Variants in TUBGCP6 observed in about 807,000 individuals in gnomAD.
TUBGCP6 encodes tubulin gamma complex component 6.
A neutral mutation model predicts 175.8 loss-of-function variants in TUBGCP6; 161 were observed. The observed-to-expected ratio is 0.92, with a 90% CI of 0.81 to 1.04. TUBGCP6 has a LOEUF of 1.04. TUBGCP6 is among the 50% of genes least tolerant of loss of function. The pLI, the probability that TUBGCP6 is intolerant of heterozygous loss-of-function variation, is 0.00. For synonymous variants in TUBGCP6, 1,173 were observed against 1,030.5 expected (o/e 1.14, Z -2.65); for missense variants, 2,572 against 2,433.0 (o/e 1.06, Z -1.20).
intron 2 of TUBGCP6, among the ~76,000 whole-genome samples, chr22:50,239,135 G>A (rs1201972540): frequency 6.6e-6 from 1 of 152,188 alleles, no homozygotes; most frequent in Non-Finnish European, 1.5e-5. Context: ...TGTGAACGGG[G>A]CATTCCATGG....
Position 50,222,492 on chromosome 22 carries a change from G to C in TUBGCP6, c.2371C>G (p.Arg791Gly). Residue 791 changes from arginine (R) to glycine (G), a missense_variant, in exon 14 of 25, where the codon CGG (arginine) becomes GGG (glycine). By Grantham distance (125) the Arg-to-Gly change is moderately radical. Transcript: ENST00000248846. ...TCATCTTCTAAGAGAAAACGAAGCC[G>C]TGCACTCTCCAGTCGGTGCCTCTGG... ...RIQRHRLESA[R>G]LRFLLEDEKH... is the part of the protein sequence containing the mutation. 6.2e-7 allele frequency: 1 copy of C among 1,613,824 alleles called. No individual in the cohort carries two copies. The highest frequency in any genetic ancestry group is 1.1e-5 in the South Asian group (1 of 91,082).
rs1184315492 is a variant in TUBGCP6 at position 50,226,096 on chromosome 22, T to G, written c.1787A>C (p.Tyr596Ser). The G allele has an allele frequency of 6.2e-7, 1 of 1,614,170 alleles. No individual in the cohort carries two copies. The highest frequency in any genetic ancestry group is 8.5e-7 in the Non-Finnish European group (1 of 1,180,044). ...VFLKHIAHDI[Y>S]VCGKTINLLK... ...CAGGTTAATGGTCTTTCCGCAGACG[T>G]ATATGTCGTGGGCAATGTGCTTCAG... The change falls in exon 9 of 25, where the codon TAC becomes TCC. Residue 596 changes from tyrosine (Y) to serine (S), a missense_variant. By Grantham distance (144) the Tyr-to-Ser change is moderately radical. Transcript: ENST00000248846.
chr22:50,218,238 C>T lies in TUBGCP6; in HGVS notation c.5119G>A (p.Glu1707Lys), dbSNP rs1366683499. 1.2e-6 allele frequency: 2 copies of T among 1,612,978 alleles called. No individual in the cohort carries two copies. Among genetic ancestry groups the T allele is most frequent in the Non-Finnish European group, 1.7e-6 (2 of 1,179,946 alleles). Reference sequence around the variant, plus strand: ...TCTGCGTGCGCACGCTGGATCTCCTCCAGGTCGCCCACGGTGGCCAACCTG... The same window carrying T: ...TCTGCGTGCGCACGCTGGATCTCCTTCAGGTCGCCCACGGTGGCCAACCTG... ...RARLATVGDL[E>K]EIQRAHAEYL... is the part of the protein sequence containing the mutation. The change falls in exon 23 of 25, where the codon GAG becomes AAG. Residue 1707 changes from glutamate (E) to lysine (K), a missense_variant. Glu to Lys is a moderately conservative substitution (Grantham distance 56, BLOSUM62 1). Transcript: ENST00000248846.
intron 21 of TUBGCP6, 31 bp from the exon 22 acceptor site, chr22:50,218,651 CACAG>C: frequency 5.6e-6 from 9 of 1,613,654 alleles, no homozygotes; most frequent in Non-Finnish European, 6.8e-6. Context: ...GCAGGCATCC[CACAG>C]GCAGGCAGGC....
At chr22:50,226,530 AG>A (rs1302563375) in intron 7 of TUBGCP6, 152 bp from the exon 8 acceptor site, 4 of 117,400 alleles carry the variant, frequency 3.4e-5, no homozygotes, top group Non-Finnish European at 5.9e-5. Flanking sequence ...GCCATCCATG[AG>A]GGGCGGGATG....
At chr22:50,238,686 C>T (rs906954631) in intron 2 of TUBGCP6, among the ~76,000 whole-genome samples, 33 of 151,806 alleles carry the variant, frequency 2.2e-4, no homozygotes, top group Middle Eastern at 3.4e-3. Context: ...CACAGGCACC[C>T]GCCACCACGC....
At chr22:50,237,293 T>C (rs768324047) in intron 2 of TUBGCP6, among the ~76,000 whole-genome samples, 1 of 152,230 alleles carries the variant, frequency 6.6e-6, no homozygotes, top group Non-Finnish European at 1.5e-5. Context: ...GAAGGCTCAA[T>C]TTCTGGCTAG....
chr22:50,218,457 T>C, intron 22 of TUBGCP6, 31 bp downstream of exon 22: 1 of 1,612,702 alleles, frequency 6.2e-7, no homozygotes, highest in Non-Finnish European at 8.5e-7. Context: ...CAGCCAGGGG[T>C]GCGGGGCGCC....
At chr22:50,241,983 CAA>C (rs55647714) in intron 1 of TUBGCP6, among the ~76,000 whole-genome samples, 32 of 92,790 alleles carry the variant, frequency 3.4e-4, no homozygotes, top group African/African-American at 1.4e-3. Context: ...GACTCCATCT[CAA>C]AAAAAAAAAA....
Position 50,218,044 on chromosome 22 carries a change from G to A in TUBGCP6, c.5242C>T (p.Arg1748Cys), listed in dbSNP as rs539568209. ...HSIFSLVLKFRSQLISQAWGP... is the reference protein window; with the variant it reads ...HSIFSLVLKFCSQLISQAWGP... ...CAGGCCTGGGAGATGAGCTGGCTGC[G>A]GAACTTGAGCACGAGGCTGAAGATG... The change falls in exon 24 of 25, where the codon CGC becomes TGC. Residue 1748 changes from arginine (R) to cysteine (C), a missense_variant. Arg to Cys is a radical substitution (Grantham distance 180). Coordinates refer to ENST00000248846, the MANE Select transcript of TUBGCP6 (RefSeq NM_020461.4). 2.5e-5 allele frequency: 40 copies of A among 1,613,478 alleles called. 1 individual carries two copies. Among genetic ancestry groups the A allele is most frequent in the South Asian group, 9.9e-5 (9 of 91,086 alleles).
At chr22:50,240,851 T>C (rs915263968) in intron 1 of TUBGCP6, among the ~76,000 whole-genome samples, 1 of 152,014 alleles carries the variant, frequency 6.6e-6, no homozygotes, top group African/African-American at 2.4e-5. Flanking sequence ...CGGCCAGGCG[T>C]GGTGGTGGGC....
At chr22:50,226,247 A>G in intron 8 of TUBGCP6, 40 bp downstream of exon 8, 1 of 1,614,006 alleles carries the variant, frequency 6.2e-7, no homozygotes, top group Non-Finnish European at 8.5e-7. Flanking sequence ...ACCCAGGCCC[A>G]CAGGCACGGA....
At chr22:50,240,106 G>A (rs1313800526) in intron 2 of TUBGCP6, 98 bp downstream of exon 2, 7 of 1,523,392 alleles carry the variant, frequency 4.6e-6, no homozygotes, top group Admixed American at 3.7e-5. Context: ...ACAACTGCCT[G>A]GACCCCTGAG....
intron 18 of TUBGCP6, 48 bp downstream of exon 18, chr22:50,219,596 G>A (rs768026950): frequency 6.2e-7 from 1 of 1,602,670 alleles, no homozygotes; most frequent in Non-Finnish European, 8.5e-7. Flanking sequence ...CACGTGCTGG[G>A]AACCAGCCAG....
chr22:50,227,442 A>G (rs1046006904), intron 5 of TUBGCP6, among the ~76,000 whole-genome samples: 3 of 151,970 alleles, frequency 2.0e-5, no homozygotes, highest in African/African-American at 7.3e-5. Context: ...CGCACCCTTC[A>G]CAGCCCAGCT....
chr22:50,223,133 C>T (rs1395815416), intron 13 of TUBGCP6: 2 of 157,798 alleles, frequency 1.3e-5, no homozygotes, highest in Non-Finnish European at 2.8e-5. Flanking sequence ...AGGCCAGAGA[C>T]GTAGTGTCTA....
Position 50,244,340 on chromosome 22 carries a change from C to T in TUBGCP6, c.120G>A (p.Val40=). 1 of 1,613,550 alleles carries T rather than the reference C, an allele frequency of 6.2e-7. No homozygotes were observed. Among genetic ancestry groups the T allele is most frequent in the Non-Finnish European group, 8.5e-7 (1 of 1,180,042 alleles). ...RKRAKRSLKK[V]AYNALFTNLF... is the part of the protein sequence containing the mutation. ...GATTTGTGAAAAGAGCATTGTAGGC[C>T]ACCTTCTTGAGGCTCCGCTTTGCCC... Residue 40 remains valine (V), a synonymous_variant, in exon 1 of 25, where the codon GTG becomes GTA. Transcript: ENST00000248846.
Position 50,224,439 on chromosome 22 carries a change from G to C in TUBGCP6, c.2066-19C>G, listed in dbSNP as rs1017176505. 2.5e-6 allele frequency: 4 copies of C among 1,614,012 alleles called. No homozygotes were observed. The highest frequency in any genetic ancestry group is 3.4e-6 in the Non-Finnish European group (4 of 1,180,020). On this transcript the variant is annotated intron_variant, in intron 11 of 24. Transcript: ENST00000248846. The stretch of plus-strand genomic sequence containing the variant: ...TGCCGGTCTACATTGGGACAGTAAG[G>C]GGCGCACTGTCACAAGGAGGCCCCA...
rs199766522 is a variant in TUBGCP6 at position 50,226,389 on chromosome 22, G to A, written c.1602-11C>T. On this transcript the variant is annotated splice_polypyrimidine_tract_variant and intron_variant, in intron 7 of 24. Transcript: ENST00000248846. The stretch of plus-strand genomic sequence containing the variant: ...CAGTCGTGGATGAACCTGCAGTGGG[G>A]GAAAAGCAGGGGTAGATGTGGTCAA... 7.5e-6 allele frequency: 12 copies of A among 1,592,910 alleles called. No individual in the cohort carries two copies. In the East Asian group the frequency reaches 2.3e-4, roughly 30 times the overall value.
Sources: gnomAD v4.1 joint callset for allele counts (sites outside exome capture counted in the v4.1 genomes callset) on GRCh38, gnomAD v4.1.1 for gene constraint, MANE v1.5 for transcripts, NCBI Gene and HGNC (gene_info 2026-07-23, HGNC 2026-07-21) for gene names.